Variants in CTNNA3 observed in about 807,000 individuals in gnomAD.
CTNNA3 encodes the protein catenin alpha 3, also known as catenin alpha-3.
CTNNA3 carries 76 observed loss-of-function variants against 95.7 expected under a neutral mutation model. The ratio of observed to expected loss-of-function variants is 0.79; its 90% CI spans 0.66 to 0.96. The LOEUF is 0.96. CTNNA3 is among the 40% of genes least tolerant of loss of function. The pLI is 0.00. For missense variants in CTNNA3, 1,191 were observed against 1,089.8 expected, an observed-to-expected ratio of 1.09 and a Z score of -1.31; for synonymous variants, 431 against 374.4, an observed-to-expected ratio of 1.15 and a Z score of -1.74.
rs565061658 is a variant in CTNNA3 at position 67,580,539 on chromosome 10, G to A, written c.292+26318C>T. Among the ~76,000 whole-genome samples, 98 of 151,336 alleles carry A rather than the reference G, an allele frequency of 6.5e-4. No individual in the cohort carries two copies. The East Asian group carries it at 0.01, about 16-fold the overall frequency. On this transcript the variant is annotated intron_variant, in intron 3 of 17. Coordinates refer to ENST00000433211, the MANE Select transcript of CTNNA3 (RefSeq NM_013266.4). Reference sequence around the variant, plus strand: ...TGGCTTAGGATTGTCTTGGCGATGCGGGCTCTTTTTTGGTTCCATATGAAC... The same window carrying A: ...TGGCTTAGGATTGTCTTGGCGATGCAGGCTCTTTTTTGGTTCCATATGAAC...
intron 14 of CTNNA3, among the ~76,000 whole-genome samples, chr10:66,100,363 T>C (rs1354766647): frequency 6.6e-6 from 1 of 152,172 alleles, no homozygotes. Flanking sequence ...GGATTCCACA[T>C]AGTAGTTGCT....
At chr10:66,835,191 G>A (rs1176382025) in intron 7 of CTNNA3, among the ~76,000 whole-genome samples, 3 of 141,018 alleles carry the variant, frequency 2.1e-5, no homozygotes, top group African/African-American at 8.6e-5. Flanking sequence ...GATGTGACCT[G>A]TACCCTCCTT....
At chr10:66,044,473 TCTC>T (rs1190228466) in intron 15 of CTNNA3, among the ~76,000 whole-genome samples, 1 of 152,068 alleles carries the variant, frequency 6.6e-6, no homozygotes, top group Non-Finnish European at 1.5e-5. Flanking sequence ...CAGAATATAA[TCTC>T]CTCCTCTCCG....
intron 13 of CTNNA3, among the ~76,000 whole-genome samples, chr10:66,136,459 G>A (rs1214780131): frequency 3.3e-5 from 5 of 150,952 alleles, no homozygotes; most frequent in African/African-American, 7.3e-5. Context: ...TTACTAAATT[G>A]GATAATAGTT....
intron 16 of CTNNA3, among the ~76,000 whole-genome samples, chr10:65,984,647 C>A (rs2078389071): frequency 6.6e-6 from 1 of 150,966 alleles, no homozygotes; most frequent in Admixed American, 6.6e-5. Flanking sequence ...GTACCTACTT[C>A]AAGGCAACCT....
chr10:67,665,310 A>G lies in CTNNA3; in HGVS notation c.-5-17792T>C, dbSNP rs185912391. ...TGCTAATATACTCGGAAAAGTAGAC[A>G]TTTAAAATTGGAGCTTTCATAAAAT... On this transcript the variant is annotated intron_variant, in intron 1 of 17. Coordinates refer to ENST00000433211, the MANE Select transcript of CTNNA3 (RefSeq NM_013266.4). Among the ~76,000 whole-genome samples, 6 of 152,354 alleles carry G rather than the reference A, an allele frequency of 3.9e-5. No individual in the cohort carries two copies. In the East Asian group the frequency reaches 1.2e-3, roughly 29 times the overall value.
chr10:67,525,851 G>A lies in CTNNA3; in HGVS notation c.460-3890C>T, dbSNP rs569336296. 6.6e-5 allele frequency among the ~76,000 whole-genome samples: 10 copies of A among 152,258 alleles called. No homozygotes were observed. In the South Asian group the frequency reaches 1.7e-3, roughly 25 times the overall value. On this transcript the variant is annotated intron_variant, in intron 4 of 17. Coordinates refer to ENST00000433211, the MANE Select transcript of CTNNA3 (RefSeq NM_013266.4). ...CAAGAGCCAGCTCCACAGTCATCAT[G>A]TTTTCTTATTTAATATTTCATGCAT...
At chr10:66,914,317 A>G (rs1322051282) in intron 7 of CTNNA3, among the ~76,000 whole-genome samples, 1 of 151,910 alleles carries the variant, frequency 6.6e-6, no homozygotes, top group African/African-American at 2.4e-5. Flanking sequence ...TTTTTAGTAG[A>G]GACAGGGTTT....
chr10:66,504,990 G>C (rs1840402176), intron 11 of CTNNA3, among the ~76,000 whole-genome samples: 2 of 151,850 alleles, frequency 1.3e-5, no homozygotes, highest in African/African-American at 2.4e-5. Flanking sequence ...AAATCCTTAG[G>C]GCTATTTACT....
At position 66,048,441 on chromosome 10, in the gene CTNNA3, G is replaced by A. The variant is rs150558021; in HGVS notation, c.2159+20867C>T. On this transcript the variant is annotated intron_variant, in intron 15 of 17. Transcript: ENST00000433211. The stretch of plus-strand genomic sequence containing the variant: ...TAGCCAGGTTCAGAAGATTGAAGCC[G>A]GACCTCTTCCTTATACCACATACAA... 2.2e-4 allele frequency among the ~76,000 whole-genome samples: 34 copies of A among 152,224 alleles called. No individual in the cohort carries two copies. In the East Asian group the frequency reaches 3.7e-3, roughly 16 times the overall value.
rs528718442 is a variant in CTNNA3 at position 67,755,870 on chromosome 10, C to T, written c.-2+7564G>A. Among the ~76,000 whole-genome samples the T allele has an allele frequency of 2.7e-5, 4 of 150,578 alleles. No homozygotes were observed. The South Asian group carries it at 8.4e-4, about 32-fold the overall frequency. The stretch of plus-strand genomic sequence containing the variant: ...TCAATATGCCAAAAAGATATATGCA[C>T]TCCCATGTTTATCAAAGCACTATTC... On this transcript the variant is annotated intron_variant, in intron 1 of 17. Coordinates refer to the CTNNA3 transcript ENST00000684154.
chr10:67,288,059 A>G (rs1421158737), intron 5 of CTNNA3, among the ~76,000 whole-genome samples: 1 of 152,226 alleles, frequency 6.6e-6, no homozygotes, highest in Admixed American at 6.5e-5. Context: ...CAATGTGAAG[A>G]TCAGAGGTTT....
intron 17 of CTNNA3, among the ~76,000 whole-genome samples, chr10:65,946,943 TA>T (rs2077525715): frequency 6.6e-6 from 1 of 152,152 alleles, no homozygotes; most frequent in Non-Finnish European, 1.5e-5. Context: ...TAATAGCAAA[TA>T]AAAATGTCTC....
chr10:67,001,826 A>C (rs1204585668), intron 7 of CTNNA3, among the ~76,000 whole-genome samples: 1 of 152,166 alleles, frequency 6.6e-6, no homozygotes, highest in Non-Finnish European at 1.5e-5. Flanking sequence ...GTTTCTACTG[A>C]CTGTATCTCT....
chr10:66,701,461 A>G (rs1847939315), intron 9 of CTNNA3, among the ~76,000 whole-genome samples: 1 of 152,138 alleles, frequency 6.6e-6, no homozygotes, highest in Non-Finnish European at 1.5e-5. Context: ...GACCACTTTA[A>G]CACTGTTACA....
At chr10:67,626,018 A>C (rs1838939595) in intron 2 of CTNNA3, among the ~76,000 whole-genome samples, 1 of 152,084 alleles carries the variant, frequency 6.6e-6, no homozygotes, top group Non-Finnish European at 1.5e-5. Context: ...CTCTACAAAA[A>C]ATTAATTTAA....
chr10:66,412,463 T>A (rs2093113360), intron 11 of CTNNA3, among the ~76,000 whole-genome samples: 4 of 120,530 alleles, frequency 3.3e-5, no homozygotes, highest in Admixed American at 2.7e-4. Context: ...ACTATTTTTT[T>A]TTTTTTTTTT....
At chr10:67,518,477 C>T (rs1232738212) in intron 5 of CTNNA3, among the ~76,000 whole-genome samples, 1 of 152,134 alleles carries the variant, frequency 6.6e-6, no homozygotes, top group African/African-American at 2.4e-5. Context: ...TGTGTTCCAA[C>T]ATGCATGCAG....
chr10:65,977,862 C>G lies in CTNNA3; in HGVS notation c.2265+10830G>C, dbSNP rs183355891. ...AGACAATAGCCTACATTTTGCTAAG[C>G]TGGAAAAGTTTGTTAATGAAAAGTA... On this transcript the variant is annotated intron_variant, in intron 16 of 17. Transcript: ENST00000433211. 9.3e-4 allele frequency among the ~76,000 whole-genome samples: 141 copies of G among 152,166 alleles called. 1 individual carries two copies. The highest frequency in any genetic ancestry group is 3.3e-3 in the African/African-American group (137 of 41,538).
Sources: allele counts gnomAD v4.1 joint callset (sites outside exome capture counted in the v4.1 genomes callset), GRCh38; gene constraint gnomAD v4.1.1; transcripts MANE v1.5; gene names NCBI Gene and HGNC (gene_info 2026-07-23, HGNC 2026-07-21).